ABCC8: variants seen among roughly 807,000 people sequenced by gnomAD.
ABCC8 encodes the protein ATP binding cassette subfamily C member 8.
In ABCC8, 137 loss-of-function variants were observed where a neutral mutation model predicts 188.0. The observed-to-expected ratio is 0.73, with a 90% CI of 0.63 to 0.84. ABCC8 has a LOEUF of 0.84. ABCC8 is among the 40% of genes least tolerant of loss of function. The pLI is 0.00. For synonymous variants in ABCC8, 797 were observed against 846.5 expected, an observed-to-expected ratio of 0.94 and a Z score of 1.01; for missense variants, 1,750 against 2,072.7, an observed-to-expected ratio of 0.84 and a Z score of 3.02.
intron 3 of ABCC8, 92 bp from the exon 4 acceptor site, chr11:17,463,696 C>T (rs766327008): frequency 6.6e-7 from 1 of 1,508,684 alleles, no homozygotes; most frequent in Non-Finnish European, 9.0e-7. Flanking sequence ...GAGAAGGAGA[C>T]AGAATAAGCG....
chr11:17,430,777 T>A (rs1435902329), intron 12 of ABCC8, 37 bp downstream of exon 12: 1 of 1,605,148 alleles, frequency 6.2e-7, no homozygotes, highest in Non-Finnish European at 8.5e-7. Context: ...ACACAGGACC[T>A]GCCTGCCCAG....
chr11:17,423,902 G>A (rs183859516), intron 16 of ABCC8, among the ~76,000 whole-genome samples: 266 of 152,320 alleles, frequency 1.7e-3, no homozygotes, highest in African/African-American at 6.1e-3. Context: ...TCCCACTTCT[G>A]CCATTTAACA....
chr11:17,470,617 C>T (rs34685979), intron 2 of ABCC8, among the ~76,000 whole-genome samples: 11,120 of 152,282 alleles, frequency 0.073, 551 homozygotes, highest in Non-Finnish European at 0.11. Flanking sequence ...AGCATTTACT[C>T]TGTGCCAGGC....
At chr11:17,441,833 G>A (rs1956327419) in intron 10 of ABCC8, among the ~76,000 whole-genome samples, 1 of 152,194 alleles carries the variant, frequency 6.6e-6, no homozygotes. Context: ...TGTAATTCCA[G>A]CACTTTGGGA....
intron 34 of ABCC8, 44 bp downstream of exon 34, chr11:17,395,808 C>G: frequency 6.4e-7 from 1 of 1,556,680 alleles, no homozygotes; most frequent in Non-Finnish European, 8.7e-7. Flanking sequence ...GAGGCCTCAT[C>G]TGGTGGCTGT....
At position 17,413,415 on chromosome 11, in the gene ABCC8, G is replaced by T. The variant is rs1294132943; in HGVS notation, c.2454C>A (p.Asp818Glu). Residue 818 changes from aspartate to glutamate, a missense_variant, in exon 20 of 39, where the codon GAC (aspartate) becomes GAA (glutamate). Asp to Glu is a conservative substitution (Grantham distance 45). Coordinates refer to ENST00000389817, the MANE Select transcript of ABCC8 (RefSeq NM_000352.6). ...TAACCCGTTCCCCAATCTGGGTCTG[G>T]TCTCCATGGGGCAGGATGTCGATGT... ...QPDIDILPHGDQTQIGERGIN... is the reference protein window; with the variant it reads ...QPDIDILPHGEQTQIGERGIN... The T allele has an allele frequency of 6.2e-7, 1 of 1,614,190 alleles. No homozygotes were observed. Among genetic ancestry groups the T allele is most frequent in the Non-Finnish European group, 8.5e-7 (1 of 1,180,038 alleles).
intron 16 of ABCC8, among the ~76,000 whole-genome samples, chr11:17,424,363 C>T (rs1955489036): frequency 1.3e-5 from 2 of 152,196 alleles, no homozygotes; most frequent in Non-Finnish European, 2.9e-5. Flanking sequence ...TTAGGGTCCT[C>T]TGCCTTGGAG....
At chr11:17,442,466 C>T (rs1253096672) in intron 10 of ABCC8, among the ~76,000 whole-genome samples, 1 of 152,226 alleles carries the variant, frequency 6.6e-6, no homozygotes, top group African/African-American at 2.4e-5. Flanking sequence ...TCTTCCTCAT[C>T]ACTGTATCCT....
intron 8 of ABCC8, chr11:17,448,041 A>T (rs1956606627): frequency 1.1e-5 from 2 of 186,778 alleles, no homozygotes; most frequent in Admixed American, 5.4e-5. Flanking sequence ...ACACTTTTTG[A>T]TGTAATTAAA....
At chr11:17,423,496 A>T (rs146228378) in intron 16 of ABCC8, among the ~76,000 whole-genome samples, 2 of 152,046 alleles carry the variant, frequency 1.3e-5, no homozygotes, top group African/African-American at 4.8e-5. Flanking sequence ...GAATGAGTTG[A>T]CTTGGGAACA....
chr11:17,406,302 TG>T (rs1421917083), intron 26 of ABCC8: 5 of 372,544 alleles, frequency 1.3e-5, no homozygotes, highest in Non-Finnish European at 1.5e-5. Flanking sequence ...GCTGAACTCA[TG>T]GGTGGGGATG....
intron 8 of ABCC8, among the ~76,000 whole-genome samples, chr11:17,446,949 A>G (rs532951357): frequency 2.6e-5 from 4 of 152,326 alleles, no homozygotes; most frequent in African/African-American, 7.2e-5. Context: ...CATACCAAAC[A>G]TGTGCAAGGT....
At chr11:17,439,798 C>G (rs988753814) in intron 10 of ABCC8, among the ~76,000 whole-genome samples, 1 of 152,224 alleles carries the variant, frequency 6.6e-6, no homozygotes, top group Non-Finnish European at 1.5e-5. Flanking sequence ...GAGTCCTGGG[C>G]GGGCTCCTGC....
At chr11:17,425,394 C>T (rs1047614669) in intron 16 of ABCC8, among the ~76,000 whole-genome samples, 2 of 152,232 alleles carry the variant, frequency 1.3e-5, no homozygotes, top group African/African-American at 2.4e-5. Context: ...AAGTCTTTCT[C>T]CCTGCTCAGT....
intron 6 of ABCC8, among the ~76,000 whole-genome samples, chr11:17,458,266 A>T (rs1957066351): frequency 6.6e-6 from 1 of 151,654 alleles, no homozygotes; most frequent in East Asian, 2.0e-4. Context: ...TGTCTCAGGG[A>T]TTTGTGTGCT....
chr11:17,460,760 C>T (rs530976352), intron 5 of ABCC8, 84 bp from the exon 6 acceptor site: 566 of 1,582,228 alleles, frequency 3.6e-4, no homozygotes, highest in Non-Finnish European at 3.8e-4. Context: ...CCCCTAGCTC[C>T]TGTTGTCTGG....
At chr11:17,416,850 A>C in intron 17 of ABCC8, 80 bp downstream of exon 17, 1 of 1,535,308 alleles carries the variant, frequency 6.5e-7, no homozygotes, top group Non-Finnish European at 9.0e-7. Flanking sequence ...ACTCAGCATT[A>C]CCCACCCACA....
chr11:17,434,990 T>TGTGTGTGC (rs1373599512), intron 10 of ABCC8, among the ~76,000 whole-genome samples: 2 of 147,886 alleles, frequency 1.4e-5, no homozygotes, highest in African/African-American at 5.2e-5. Context: ...TTCGCGTGTG[T>TGTGTGTGC]GTGTGTGTGT....
At chr11:17,465,802 G>A (rs12285976) in intron 3 of ABCC8, among the ~76,000 whole-genome samples, 52,999 of 151,928 alleles carry the variant, frequency 0.35, 9,351 homozygotes, top group Middle Eastern at 0.45. Flanking sequence ...CTGTATTCCC[G>A]CTATACCCTG....
Sources: allele counts gnomAD v4.1 joint callset (sites outside exome capture counted in the v4.1 genomes callset), GRCh38; gene constraint gnomAD v4.1.1; transcripts MANE v1.5; gene names NCBI Gene and HGNC (gene_info 2026-07-23, HGNC 2026-07-21).